Variants in TRIM62 observed in about 807,000 individuals in gnomAD.
The protein encoded by TRIM62 is tripartite motif containing 62.
In TRIM62, 39 loss-of-function variants were observed where a neutral mutation model predicts 44.2. That is an observed-to-expected ratio of 0.88 (90% CI 0.68 to 1.15). TRIM62 has a LOEUF of 1.15. TRIM62 is among the 50% of genes most tolerant of loss of function. TRIM62 has a pLI of 0.00. For synonymous variants in TRIM62, 278 were observed against 292.3 expected (o/e 0.95, Z 0.50); for missense variants, 544 against 665.5 (o/e 0.82, Z 2.01).
At chr1:33,170,219 A>T (rs561279762) in intron 1 of TRIM62, among the ~76,000 whole-genome samples, 2 of 151,984 alleles carry the variant, frequency 1.3e-5, no homozygotes, top group Non-Finnish European at 2.9e-5. Context: ...AATTCCAGCT[A>T]CTTGGGAGGC....
chr1:33,153,355 C>A (rs1422622084), intron 4 of TRIM62, among the ~76,000 whole-genome samples: 1 of 152,228 alleles, frequency 6.6e-6, no homozygotes, highest in South Asian at 2.1e-4. Context: ...CTGTTCCTCC[C>A]TCAGCTCCTC....
At position 33,159,760 on chromosome 1, in the gene TRIM62, T is replaced by C; in HGVS notation, c.689A>G (p.Gln230Arg). 1 of 1,613,594 alleles carries C rather than the reference T, an allele frequency of 6.2e-7. No homozygotes were observed. The highest frequency in any genetic ancestry group is 8.5e-7 in the Non-Finnish European group (1 of 1,179,968). Residue 230 changes from glutamine to arginine, a missense_variant, in exon 3 of 5, where the codon CAG (glutamine) becomes CGG (arginine). Transcript: ENST00000291416. This position sits in a 1 kb window ranked among gnomAD's most constrained non-coding sequence, Gnocchi z 4.2. ...TTCAGCCAGCCGCTCCTGCAGGATC[T>C]GGGCTCCCTCCTGGACCTTGCGCAG... ...QQLRKVQEGA[Q>R]ILQERLAETD... is the part of the protein sequence containing the mutation.
At chr1:33,166,889 G>A (rs1645333867) in intron 1 of TRIM62, among the ~76,000 whole-genome samples, 1 of 152,140 alleles carries the variant, frequency 6.6e-6, no homozygotes, top group Non-Finnish European at 1.5e-5. Context: ...TGTTCATCGT[G>A]GGTTTTTTGC....
chr1:33,148,722 G>A (rs1288387485), intron 4 of TRIM62, among the ~76,000 whole-genome samples: 1 of 152,162 alleles, frequency 6.6e-6, no homozygotes, highest in Non-Finnish European at 1.5e-5. Flanking sequence ...GGTTACACTT[G>A]AAATTATAAA....
At position 33,161,134 on chromosome 1, in the gene TRIM62, G is replaced by A. The variant is rs183526215; in HGVS notation, c.505-1190C>T. Among the ~76,000 whole-genome samples, 7 of 152,342 alleles carry A rather than the reference G, an allele frequency of 4.6e-5. No individual in the cohort carries two copies. Among genetic ancestry groups the A allele is most frequent in the African/African-American group, 7.2e-5 (3 of 41,580 alleles). Reference sequence around the variant, plus strand: ...AGGATTGTGGTGAAGATGAAATGAGGGGGTGTTGTTGTGCGCACTCCAAGG... The same window carrying A: ...AGGATTGTGGTGAAGATGAAATGAGAGGGTGTTGTTGTGCGCACTCCAAGG... On this transcript the variant is annotated intron_variant, in intron 2 of 4. Coordinates refer to ENST00000291416, the MANE Select transcript of TRIM62 (RefSeq NM_018207.3). The surrounding 1 kb of genome is among the most constrained non-coding windows in gnomAD (Gnocchi z 4.3).
chr1:33,170,611 T>C (rs1460414521), intron 1 of TRIM62, among the ~76,000 whole-genome samples: 1 of 151,766 alleles, frequency 6.6e-6, no homozygotes, highest in African/African-American at 2.4e-5. Context: ...GCAGGCAGAG[T>C]TCCTTGGATG....
intron 1 of TRIM62, among the ~76,000 whole-genome samples, chr1:33,172,364 G>T (rs1645381182): frequency 6.6e-6 from 1 of 152,140 alleles, no homozygotes; most frequent in South Asian, 2.1e-4. Context: ...AGGTTGGGTA[G>T]GGGCCCACCC....
At chr1:33,157,131 T>G (rs1645189954) in intron 4 of TRIM62, among the ~76,000 whole-genome samples, 1 of 152,064 alleles carries the variant, frequency 6.6e-6, no homozygotes, top group Non-Finnish European at 1.5e-5. Context: ...CTGGCTCTCA[T>G]CTCACTCAGC....
chr1:33,152,871 G>A (rs1307610845), intron 4 of TRIM62, among the ~76,000 whole-genome samples: 1 of 152,146 alleles, frequency 6.6e-6, no homozygotes, highest in Non-Finnish European at 1.5e-5. Flanking sequence ...CCCAGGATGG[G>A]GAGAAGGCAG....
At chr1:33,176,690 C>A in intron 1 of TRIM62, 1 of 408,442 alleles carries the variant, frequency 2.4e-6, no homozygotes, top group Admixed American at 4.0e-5. Context: ...TTACCCAGCC[C>A]TCAGAGGTAG....
At position 33,159,870 on chromosome 1, in the gene TRIM62, C is replaced by T. The variant is rs1168734397; in HGVS notation, c.579G>A (p.Gln193=). Residue 193 remains glutamine (Q), a synonymous_variant, in exon 3 of 5, where the codon CAG becomes CAA. Coordinates refer to ENST00000291416, the MANE Select transcript of TRIM62 (RefSeq NM_018207.3). The surrounding 1 kb of genome is among the most constrained non-coding windows in gnomAD (Gnocchi z 4.2). ...CCTCCAGCTCCTCTAGCATGGCCTTCTGGCGTTCACGCAGCAGCCGGTGCA... is the reference window on the plus strand; with the variant it reads ...CCTCCAGCTCCTCTAGCATGGCCTTTTGGCGTTCACGCAGCAGCCGGTGCA... The part of the protein sequence containing the change: ...ERLHRLLRER[Q]KAMLEELEAD... 7 of 1,612,636 alleles carry T rather than the reference C, an allele frequency of 4.3e-6. No homozygotes were observed. In the Admixed American group the frequency reaches 6.7e-5, roughly 15 times the overall value.
chr1:33,146,970 G>C lies in TRIM62; in HGVS notation c.*207C>G. ...GGATCAAAGCTGTATCCCTATCAAG[G>C]TCAGAGCTACAGAACATCGATGCTG... is the stretch of plus-strand genomic sequence containing the variant. On this transcript the variant is annotated 3_prime_UTR_variant, in exon 5 of 5. Coordinates refer to ENST00000291416, the MANE Select transcript of TRIM62 (RefSeq NM_018207.3). 1 of 608,660 alleles carries C rather than the reference G, an allele frequency of 1.6e-6. No individual in the cohort carries two copies. Among genetic ancestry groups the C allele is most frequent in the Non-Finnish European group, 2.9e-6 (1 of 347,190 alleles). 37.7% of individuals were successfully genotyped at this position (608,660 alleles called of 1,614,324 possible). A position where few individuals can be genotyped will look rare whatever the true frequency, so the allele number is the denominator to read the frequency against.
Position 33,159,247 on chromosome 1 carries a change from G to A in TRIM62, c.761+441C>T, listed in dbSNP as rs182022223. 6.6e-6 allele frequency among the ~76,000 whole-genome samples: 1 copy of A among 151,924 alleles called. No homozygotes were observed. Among genetic ancestry groups the A allele is most frequent in the Non-Finnish European group, 1.5e-5 (1 of 68,012 alleles). On this transcript the variant is annotated intron_variant, in intron 3 of 4. Transcript: ENST00000291416. The surrounding 1 kb of genome is among the most constrained non-coding windows in gnomAD (Gnocchi z 4.2). ...ATATAAAGCCTTTATATAGTAACAC[G>A]TAATGCCAACATTATCATAAATAAA... is the stretch of plus-strand genomic sequence containing the variant.
chr1:33,178,081 G>A (rs796507422), intron 1 of TRIM62, among the ~76,000 whole-genome samples: 9 of 152,176 alleles, frequency 5.9e-5, no homozygotes, highest in African/African-American at 1.9e-4. Context: ...GCTAGGTAGG[G>A]TGTTGGGAGA....
rs1001943428 is a variant in TRIM62, at chr1:33,181,574, G to A, written c.-142C>T. On this transcript the variant is annotated 5_prime_UTR_variant, in exon 1 of 5. Coordinates refer to ENST00000291416, the MANE Select transcript of TRIM62 (RefSeq NM_018207.3). The surrounding 1 kb of genome is among the most constrained non-coding windows in gnomAD (Gnocchi z 6.5). Reference sequence around the variant, plus strand: ...GGTAGGAGCTACCGGAGAAGGGAGGGGGTGCTGTCCGGAAGGAGGGTAACG... The same window carrying A: ...GGTAGGAGCTACCGGAGAAGGGAGGAGGTGCTGTCCGGAAGGAGGGTAACG... 4 of 1,383,914 alleles carry A rather than the reference G, an allele frequency of 2.9e-6. No homozygotes were observed. The highest frequency in any genetic ancestry group is 3.1e-5 in the Admixed American group (1 of 31,970). The allele number at this position is 1,383,914 out of a possible 1,614,324, so 85.7% of individuals were successfully genotyped here.
At chr1:33,148,046 T>C (rs1487378470) in intron 4 of TRIM62, among the ~76,000 whole-genome samples, 1 of 152,090 alleles carries the variant, frequency 6.6e-6, no homozygotes, top group Non-Finnish European at 1.5e-5. Flanking sequence ...AGGCCTAGAA[T>C]TGGGGAATTT....
intron 1 of TRIM62, among the ~76,000 whole-genome samples, chr1:33,169,151 T>A (rs936766182): frequency 6.6e-6 from 1 of 152,140 alleles, no homozygotes; most frequent in African/African-American, 2.4e-5. Context: ...GGTGTGCATG[T>A]GTTGGGGTGA....
intron 1 of TRIM62, among the ~76,000 whole-genome samples, chr1:33,174,462 G>T (rs1233328980): frequency 6.6e-6 from 1 of 152,158 alleles, no homozygotes; most frequent in Non-Finnish European, 1.5e-5. Flanking sequence ...GGAGTTACAG[G>T]TGTGAGCTAC....
chr1:33,171,392 AG>A (rs1645373778), intron 1 of TRIM62, among the ~76,000 whole-genome samples: 1 of 152,094 alleles, frequency 6.6e-6, no homozygotes, highest in African/African-American at 2.4e-5. Context: ...CATCTCACAG[AG>A]GGGGAAATTG....
Sources: gnomAD v4.1 joint callset for allele counts (sites outside exome capture counted in the v4.1 genomes callset) on GRCh38, gnomAD v4.1.1 for gene constraint, Gnocchi (gnomAD v3.1) non-coding constraint, MANE v1.5 for transcripts, NCBI Gene and HGNC (gene_info 2026-07-23, HGNC 2026-07-21) for gene names.